SVIL: variants seen among roughly 807,000 people sequenced by gnomAD.
SVIL encodes archvillin.
Under a neutral mutation model 240.4 loss-of-function variants are expected in SVIL, and 101 were observed. The observed-to-expected ratio is 0.42, with a 90% CI of 0.36 to 0.50. The LOEUF is 0.50. Ranked by LOEUF, SVIL falls within the 20% of genes least tolerant of loss-of-function variation. The probability of loss-of-function intolerance (pLI) is 0.01; values close to 1 mark genes in which losing one functional copy is unlikely to be tolerated. For synonymous variants in SVIL, 999 were observed against 1,100.0 expected (o/e 0.91, Z 1.82); for missense variants, 2,512 against 2,818.7 (o/e 0.89, Z 2.46).
At chr10:29,600,693 A>C (rs1047569516) in intron 1 of SVIL, among the ~76,000 whole-genome samples, 1 of 152,214 alleles carries the variant, frequency 6.6e-6, no homozygotes, top group African/African-American at 2.4e-5. Flanking sequence ...GTCCCAGAAC[A>C]TGAAATATTG....
At chr10:29,594,042 A>G (rs541973026) in intron 1 of SVIL, among the ~76,000 whole-genome samples, 1 of 152,192 alleles carries the variant, frequency 6.6e-6, no homozygotes, top group Non-Finnish European at 1.5e-5. Flanking sequence ...CAGCTCCAAA[A>G]TCACAAGGTT....
chr10:29,567,771 C>T (rs1271372916), intron 2 of SVIL, among the ~76,000 whole-genome samples: 1 of 152,158 alleles, frequency 6.6e-6, no homozygotes, highest in Non-Finnish European at 1.5e-5. Context: ...AATCCCAGCA[C>T]TTTGGGAGGC....
chr10:29,678,606 C>T (rs1960386249), intron 2 of SVIL, among the ~76,000 whole-genome samples: 1 of 152,228 alleles, frequency 6.6e-6, no homozygotes, highest in Non-Finnish European at 1.5e-5. Flanking sequence ...AGAAACCCTG[C>T]ATCTGTGAAT....
chr10:29,645,529 C>A (rs1958627436), intron 3 of SVIL, among the ~76,000 whole-genome samples: 1 of 152,122 alleles, frequency 6.6e-6, no homozygotes, highest in African/African-American at 2.4e-5. Context: ...GGGATTGTGC[C>A]ACTGAACTCC....
intron 6 of SVIL, among the ~76,000 whole-genome samples, chr10:29,541,108 T>A (rs1952119257): frequency 6.6e-6 from 1 of 152,242 alleles, no homozygotes; most frequent in Non-Finnish European, 1.5e-5. Flanking sequence ...ATGGTGGTTA[T>A]TTTCCTCTTT....
chr10:29,477,205 T>C (rs1396676557), intron 29 of SVIL, among the ~76,000 whole-genome samples: 3 of 152,248 alleles, frequency 2.0e-5, no homozygotes, highest in African/African-American at 7.2e-5. Flanking sequence ...TAATTTAAAG[T>C]GTGGACATGT....
intron 17 of SVIL, among the ~76,000 whole-genome samples, chr10:29,502,633 G>A (rs956279138): frequency 6.6e-6 from 1 of 152,100 alleles, no homozygotes; most frequent in African/African-American, 2.4e-5. Flanking sequence ...GAAAAAGAGG[G>A]TGGAAGAGAA....
intron 29 of SVIL, among the ~76,000 whole-genome samples, chr10:29,475,110 TA>T (rs1946051810): frequency 6.6e-6 from 1 of 152,186 alleles, no homozygotes; most frequent in South Asian, 2.1e-4. Flanking sequence ...ACTGCAGCCT[TA>T]GCCTCCTGGG....
chr10:29,723,675 TCCTATTTA>T lies in SVIL; in HGVS notation c.-400+12068_-400+12075del, dbSNP rs1266258925. Among the ~76,000 whole-genome samples the T allele has an allele frequency of 2.6e-5, 4 of 152,206 alleles. No homozygotes were observed. In the East Asian group the frequency reaches 7.7e-4, roughly 29 times the overall value. On this transcript the variant is annotated intron_variant, in intron 1 of 35. Coordinates refer to the SVIL transcript ENST00000375400. ...CTTTTCATCTTTTAAATAGTCATTCTCCTATTTACCTATACTTGGTGATGGTAACTAAT... is the reference window on the plus strand; with the variant it reads ...CTTTTCATCTTTTAAATAGTCATTCTCCTATACTTGGTGATGGTAACTAAT...
chr10:29,504,656 C>T (rs546639141), intron 17 of SVIL, among the ~76,000 whole-genome samples: 1 of 152,276 alleles, frequency 6.6e-6, no homozygotes, highest in East Asian at 1.9e-4. Flanking sequence ...GACATTATTA[C>T]ACATCAATTA....
chr10:29,534,577 C>G (rs1951609908), intron 7 of SVIL, among the ~76,000 whole-genome samples: 1 of 152,156 alleles, frequency 6.6e-6, no homozygotes. Context: ...TATCTGAGAG[C>G]AAAACTGACA....
rs7083499 is a variant in SVIL at position 29,492,536 on chromosome 10, T to A, written c.4019+678A>T. 3.3e-3 allele frequency among the ~76,000 whole-genome samples: 498 copies of A among 151,952 alleles called. 2 individuals are homozygous for A. Among genetic ancestry groups the A allele is most frequent in the African/African-American group, 0.011 (469 of 41,406 alleles). On this transcript the variant is annotated intron_variant, in intron 21 of 37. Transcript: ENST00000355867. ...TTCAGTGGCTGAGCCGGCAAACCCCTCCGCACTGTTCAGCCAGTGAGCCGA... is the reference window on the plus strand; with the variant it reads ...TTCAGTGGCTGAGCCGGCAAACCCCACCGCACTGTTCAGCCAGTGAGCCGA...
Position 29,488,761 on chromosome 10 carries a change from G to C in SVIL, c.4193-5C>G. On this transcript the variant is annotated splice_region_variant and splice_polypyrimidine_tract_variant and intron_variant, in intron 22 of 37. Transcript: ENST00000355867. ...AGAAGTTGGAGTTGGAAGACACTGG[G>C]CACGTTGAATAAGGAAACACAACGC... 6.2e-7 allele frequency: 1 copy of C among 1,610,508 alleles called. No homozygotes were observed. Among genetic ancestry groups the C allele is most frequent in the East Asian group, 2.2e-5 (1 of 44,772 alleles).
intron 11 of SVIL, 128 bp downstream of exon 11, chr10:29,530,479 T>G: frequency 1.1e-6 from 1 of 945,052 alleles, no homozygotes; most frequent in South Asian, 1.5e-5. Flanking sequence ...GAGATGGGGG[T>G]CTCACTGTGT....
chr10:29,550,597 C>T lies in SVIL; in HGVS notation c.827G>A (p.Ser276Asn). Residue 276 changes from serine to asparagine, a missense_variant and splice_region_variant, in exon 6 of 38, where the codon AGT becomes AAT. This residue lies in a region of SVIL where 1,443 missense variants were observed against 1,486.6 expected (regional missense o/e 0.97). Transcript: ENST00000355867. ...TGCTTAGCGTGGACTGGATGCTTAC[C>T]TGGGTCGGGCCTCAGGGGATAGCTG... The part of the protein sequence containing the change: ...DPQLSPEARP[S>N]TGKPKHEWFL... 1 of 1,603,690 alleles carries T rather than the reference C, an allele frequency of 6.2e-7. No homozygotes were observed. Among genetic ancestry groups the T allele is most frequent in the Non-Finnish European group, 8.5e-7 (1 of 1,175,162 alleles).
chr10:29,621,217 A>G (rs1957626905), intron 1 of SVIL, among the ~76,000 whole-genome samples: 1 of 152,258 alleles, frequency 6.6e-6, no homozygotes. Context: ...GCAATGGAGA[A>G]TGATCTCACT....
chr10:29,496,470 A>C lies in SVIL; in HGVS notation c.3665-1289T>G, dbSNP rs141244360. On this transcript the variant is annotated intron_variant, in intron 18 of 37. Coordinates refer to ENST00000355867, the MANE Select transcript of SVIL (RefSeq NM_021738.3). ...AGGCCGTTAACTCCGCAGCTAATGA[A>C]CAGGACTGACTCTGAAGGCTGGTTT... 4.4e-3 allele frequency: 1,965 copies of C among 450,722 alleles called. 13 individuals carry two copies. The highest frequency in any genetic ancestry group is 4.7e-3 in the Non-Finnish European group (1,057 of 225,180). The allele number at this position is 450,722 out of a possible 1,614,324, so 27.9% of individuals were successfully genotyped here.
chr10:29,577,418 A>G (rs972223586), intron 1 of SVIL, among the ~76,000 whole-genome samples: 2 of 152,164 alleles, frequency 1.3e-5, no homozygotes, highest in Non-Finnish European at 2.9e-5. Context: ...CCACTTATAC[A>G]TGAAAACATA....
At chr10:29,536,735 C>T (rs1286053347) in intron 6 of SVIL, among the ~76,000 whole-genome samples, 1 of 151,880 alleles carries the variant, frequency 6.6e-6, no homozygotes, top group African/African-American at 2.4e-5. Flanking sequence ...CATGGTGAAA[C>T]CCCATCTCTA....
Sources: allele counts gnomAD v4.1 joint callset (sites outside exome capture counted in the v4.1 genomes callset), GRCh38; gene constraint gnomAD v4.1.1; regional missense constraint gnomAD v4.1.1; transcripts MANE v1.5; gene names NCBI Gene and HGNC (gene_info 2026-07-23, HGNC 2026-07-21).